EPC1: variants seen among roughly 807,000 people sequenced by gnomAD.
The protein encoded by EPC1 is enhancer of polycomb 1.
A neutral mutation model predicts 98.4 loss-of-function variants in EPC1; 12 were observed. That is an observed-to-expected ratio of 0.12 (90% CI 0.08 to 0.20). EPC1 has a LOEUF of 0.20. Ranked by LOEUF, EPC1 falls within the 10% of genes least tolerant of loss-of-function variation. EPC1 has a pLI of 1.00. For synonymous variants in EPC1, 357 were observed against 363.9 expected (o/e 0.98, Z 0.21); for missense variants, 729 against 990.5 (o/e 0.74, Z 3.54).
chr10:32,294,061 T>C (rs1009952769), intron 2 of EPC1, among the ~76,000 whole-genome samples: 1 of 152,192 alleles, frequency 6.6e-6, no homozygotes, highest in African/African-American at 2.4e-5. Context: ...GGTTGAACCA[T>C]GTGAAGTGCC....
At chr10:32,360,578 CAGCAGT>C (rs1363580653) in intron 1 of EPC1, among the ~76,000 whole-genome samples, 1 of 152,138 alleles carries the variant, frequency 6.6e-6, no homozygotes, top group African/African-American at 2.4e-5. Flanking sequence ...TACCATTTAC[CAGCAGT>C]AGGACTCTAT....
chr10:32,292,741 T>A, intron 4 of EPC1, 97 bp from the exon 5 acceptor site: 2 of 1,255,932 alleles, frequency 1.6e-6, no homozygotes, highest in Non-Finnish European at 2.2e-6. Context: ...AGGGTTAAAT[T>A]AGAATTTAAA....
At chr10:32,324,942 G>C (rs1196632902) in intron 1 of EPC1, among the ~76,000 whole-genome samples, 1 of 152,184 alleles carries the variant, frequency 6.6e-6, no homozygotes, top group African/African-American at 2.4e-5. Flanking sequence ...TGACGTTGCA[G>C]TGAGCAGAGA....
At chr10:32,337,173 T>G (rs753403672) in intron 1 of EPC1, among the ~76,000 whole-genome samples, 58 of 152,322 alleles carry the variant, frequency 3.8e-4, no homozygotes, top group Non-Finnish European at 7.5e-4. Flanking sequence ...TACTCAATCT[T>G]TGTTAGGGCA....
At chr10:32,322,032 A>T (rs1369323679) in intron 1 of EPC1, among the ~76,000 whole-genome samples, 1 of 149,006 alleles carries the variant, frequency 6.7e-6, no homozygotes, top group Non-Finnish European at 1.5e-5. Flanking sequence ...CTTCTACTTG[A>T]TTTTAGCTCC....
intron 1 of EPC1, among the ~76,000 whole-genome samples, chr10:32,330,154 C>A (rs1209988627): frequency 6.6e-6 from 1 of 152,096 alleles, no homozygotes; most frequent in Non-Finnish European, 1.5e-5. Flanking sequence ...TTTCCTTTTT[C>A]AAAGGGCCAC....
intron 1 of EPC1, among the ~76,000 whole-genome samples, chr10:32,368,521 G>A (rs142321984): frequency 6.6e-6 from 1 of 152,230 alleles, no homozygotes; most frequent in African/African-American, 2.4e-5. Flanking sequence ...TTTCCTTTAT[G>A]GCTCAGGGAA....
chr10:32,283,512 T>A (rs1360861672), intron 10 of EPC1: 4 of 152,406 alleles, frequency 2.6e-5, no homozygotes, highest in Non-Finnish European at 4.4e-5. Context: ...TTTCACCATG[T>A]TGCCCAGGCT....
chr10:32,291,439 A>C, intron 5 of EPC1, 117 bp from the exon 6 acceptor site: 2 of 755,348 alleles, frequency 2.6e-6, no homozygotes, highest in Non-Finnish European at 4.1e-6. Flanking sequence ...TAACATATCC[A>C]TCACCTCACA....
At chr10:32,307,634 G>A (rs1025502312) in intron 1 of EPC1, among the ~76,000 whole-genome samples, 1 of 152,124 alleles carries the variant, frequency 6.6e-6, no homozygotes, top group African/African-American at 2.4e-5. Flanking sequence ...TGTATATGGG[G>A]TGGGGAAAAC....
At chr10:32,348,587 A>T (rs1162946048), upstream of EPC1, among the ~76,000 whole-genome samples, 1 of 152,172 alleles carries the variant, frequency 6.6e-6, no homozygotes, top group East Asian at 1.9e-4. Flanking sequence ...CCAAAATTAT[A>T]CTTAAACTCC....
At position 32,271,852 on chromosome 10, in the gene EPC1, T is replaced by A; in HGVS notation, c.2071A>T (p.Thr691Ser). Residue 691 changes from threonine (T) to serine (S), a missense_variant, in exon 13 of 14, where the codon ACG (threonine) becomes TCG (serine). Thr to Ser is a moderately conservative substitution (Grantham distance 58). Coordinates refer to ENST00000319778, the MANE Select transcript of EPC1 (RefSeq NM_001272004.3). The stretch of plus-strand genomic sequence containing the variant: ...GGCTGTAACAAAGCTGAACCTGCCG[T>A]TGATGGACTTGTATGTACAAGTGCT... ...PTALVHTSPSTAGSALLQPSN... is the reference protein window; with the variant it reads ...PTALVHTSPSSAGSALLQPSN... 1 of 1,614,136 alleles carries A rather than the reference T, an allele frequency of 6.2e-7. No individual in the cohort carries two copies.
At chr10:32,293,429 G>T (rs1834964234) in intron 3 of EPC1, among the ~76,000 whole-genome samples, 163 bp downstream of exon 3, 1 of 152,048 alleles carries the variant, frequency 6.6e-6, no homozygotes, top group Admixed American at 6.6e-5. Flanking sequence ...TATTGCTCAA[G>T]ATTACACAGG....
intron 1 of EPC1, among the ~76,000 whole-genome samples, chr10:32,361,468 A>G (rs1839440484): frequency 6.6e-6 from 1 of 152,198 alleles, no homozygotes; most frequent in Admixed American, 6.5e-5. Context: ...ATCCTTTGTT[A>G]CAGAATACCC....
Position 32,303,800 on chromosome 10 carries a change from T to C in EPC1, c.313+1972A>G, listed in dbSNP as rs543436419. ...CACACATATGTGGTACACATCTAAC[T>C]GGTGAAATCTGCGTAAACTCTAGAT... is the stretch of plus-strand genomic sequence containing the variant. On this transcript the variant is annotated intron_variant, in intron 2 of 13. Transcript: ENST00000319778. Among the ~76,000 whole-genome samples, 16 of 152,372 alleles carry C rather than the reference T, an allele frequency of 1.1e-4. No homozygotes were observed. In the South Asian group the frequency reaches 3.3e-3, roughly 32 times the overall value.
At chr10:32,324,392 G>A (rs926377719) in intron 1 of EPC1, among the ~76,000 whole-genome samples, 2 of 151,238 alleles carry the variant, frequency 1.3e-5, no homozygotes, top group Non-Finnish European at 1.5e-5. Context: ...CCGTCTCTGC[G>A]TGGTGGCGGG....
chr10:32,334,371 A>G (rs1716504525), intron 1 of EPC1, among the ~76,000 whole-genome samples: 1 of 152,160 alleles, frequency 6.6e-6, no homozygotes, highest in South Asian at 2.1e-4. Flanking sequence ...GGAACATCCA[A>G]GAAGTCCCAA....
chr10:32,346,695 C>T (rs1838847778), intron 1 of EPC1, 68 bp downstream of exon 1: 4 of 1,460,120 alleles, frequency 2.7e-6, no homozygotes, highest in Non-Finnish European at 3.8e-6. Context: ...GTTTGCTGCT[C>T]CGCCGCCGCC....
At chr10:32,278,371 G>GTTTTTTTTTTTTT (rs58729377) in intron 10 of EPC1, among the ~76,000 whole-genome samples, 2 of 102,598 alleles carry the variant, frequency 1.9e-5, no homozygotes, top group Admixed American at 1.2e-4. Context: ...GTTTTTTTTT[G>GTTTTTTTTTTTTT]TTTTTTTTTT....
Sources: allele counts gnomAD v4.1 joint callset (sites outside exome capture counted in the v4.1 genomes callset), GRCh38; gene constraint gnomAD v4.1.1; transcripts MANE v1.5; gene names NCBI Gene and HGNC (gene_info 2026-07-23, HGNC 2026-07-21).